The following PDE10A variants were observed in gnomAD, a reference collection of about 807,000 sequenced individuals.
PDE10A encodes cAMP and cAMP-inhibited cGMP 3',5'-cyclic phosphodiesterase 10A.
A neutral mutation model predicts 97.7 loss-of-function variants in PDE10A; 39 were observed. The ratio of observed to expected loss-of-function variants is 0.40; its 90% CI spans 0.31 to 0.52. The LOEUF (loss-of-function observed/expected upper bound fraction) is 0.52. PDE10A is among the 20% of genes least tolerant of loss of function. The pLI, the probability that PDE10A is intolerant of heterozygous loss-of-function variation, is 0.56. For synonymous variants in PDE10A, 371 were observed against 376.8 expected, an observed-to-expected ratio of 0.98 and a Z score of 0.18; for missense variants, 731 against 1,047.8, an observed-to-expected ratio of 0.70 and a Z score of 4.17.
At chr6:165,463,683 C>T (rs189518852) in intron 3 of PDE10A, among the ~76,000 whole-genome samples, 51 of 151,876 alleles carry the variant, frequency 3.4e-4, no homozygotes, top group African/African-American at 1.1e-3. Flanking sequence ...AAGCCCCCCC[C>T]AAAAATCTGG....
intron 1 of PDE10A, among the ~76,000 whole-genome samples, chr6:165,986,804 T>C (rs1785235836): frequency 6.6e-6 from 1 of 151,908 alleles, no homozygotes; most frequent in Non-Finnish European, 1.5e-5. Context: ...GGGACAGTGT[T>C]TGCAGTGTTT....
chr6:165,980,340 C>T (rs999207678), intron 1 of PDE10A, among the ~76,000 whole-genome samples: 42 of 152,250 alleles, frequency 2.8e-4, no homozygotes, highest in African/African-American at 9.6e-4. Flanking sequence ...TAGGAATTTA[C>T]CAACATATAC....
intron 2 of PDE10A, among the ~76,000 whole-genome samples, chr6:165,498,728 G>T (rs367970611): frequency 6.6e-6 from 1 of 152,084 alleles, no homozygotes; most frequent in African/African-American, 2.4e-5. Context: ...GACTTAAATT[G>T]TCTCATTTTG....
At chr6:165,702,383 G>A (rs1582957031) in intron 1 of PDE10A, among the ~76,000 whole-genome samples, 1 of 152,184 alleles carries the variant, frequency 6.6e-6, no homozygotes, top group Non-Finnish European at 1.5e-5. Context: ...TCACCTGAGC[G>A]AGGCCCTCAC....
intron 1 of PDE10A, among the ~76,000 whole-genome samples, chr6:165,945,966 T>C (rs188123080): frequency 9.8e-4 from 149 of 152,324 alleles, no homozygotes; most frequent in African/African-American, 3.4e-3. Context: ...TTTAAAGATA[T>C]CATTTAGTTG....
chr6:165,849,202 T>C (rs2128474549), intron 1 of PDE10A, among the ~76,000 whole-genome samples: 1 of 149,306 alleles, frequency 6.7e-6, no homozygotes, highest in Non-Finnish European at 1.5e-5. Context: ...ACTGTTGTAA[T>C]GACACAGGAT....
intron 1 of PDE10A, among the ~76,000 whole-genome samples, chr6:165,694,967 C>G (rs992868392): frequency 6.6e-6 from 1 of 152,212 alleles, no homozygotes; most frequent in African/African-American, 2.4e-5. Context: ...TCTCCCGCCC[C>G]AGGAATAAGT....
chr6:165,807,042 C>A (rs1779160922), intron 1 of PDE10A, among the ~76,000 whole-genome samples: 1 of 152,182 alleles, frequency 6.6e-6, no homozygotes, highest in South Asian at 2.1e-4. Flanking sequence ...ATCTTCATCA[C>A]ATGGAGTTCT....
chr6:165,810,326 C>T (rs1272772650), intron 1 of PDE10A, among the ~76,000 whole-genome samples: 1 of 152,136 alleles, frequency 6.6e-6, no homozygotes, highest in Non-Finnish European at 1.5e-5. Flanking sequence ...GGTGTGGTAA[C>T]TTTCTGAGTA....
intron 1 of PDE10A, among the ~76,000 whole-genome samples, chr6:165,817,910 C>A (rs904652310): frequency 2.0e-5 from 3 of 152,204 alleles, no homozygotes; most frequent in African/African-American, 4.8e-5. Flanking sequence ...AAGGGCAGAG[C>A]AAGCCTATCT....
At chr6:165,875,731 G>GTTTTTTTTTTTT (rs748111095) in intron 1 of PDE10A, among the ~76,000 whole-genome samples, 9 of 46,932 alleles carry the variant, frequency 1.9e-4, no homozygotes, top group African/African-American at 7.0e-4. Context: ...TTCTTTTACT[G>GTTTTTTTTTTTT]TTTTTTTTTT....
chr6:165,584,314 T>A (rs934349116), intron 1 of PDE10A, among the ~76,000 whole-genome samples: 17 of 152,152 alleles, frequency 1.1e-4, no homozygotes, highest in Non-Finnish European at 2.2e-4. Flanking sequence ...TCCTTCCTTG[T>A]CCAGGCACCT....
chr6:165,872,764 G>A (rs1781238593), intron 1 of PDE10A, among the ~76,000 whole-genome samples: 2 of 152,184 alleles, frequency 1.3e-5, no homozygotes, highest in African/African-American at 2.4e-5. Flanking sequence ...AATACTCAAA[G>A]CAGCCCTTTG....
At chr6:165,442,560 C>T (rs1790549816) in intron 5 of PDE10A, among the ~76,000 whole-genome samples, 1 of 152,102 alleles carries the variant, frequency 6.6e-6, no homozygotes, top group Non-Finnish European at 1.5e-5. Flanking sequence ...TTTTACCTAC[C>T]ATCAGACCTC....
intron 1 of PDE10A, among the ~76,000 whole-genome samples, chr6:165,817,036 C>G (rs916694270): frequency 6.6e-6 from 1 of 152,066 alleles, no homozygotes; most frequent in Non-Finnish European, 1.5e-5. Context: ...AAAGGATGTC[C>G]AAAAACCTAG....
intron 1 of PDE10A, among the ~76,000 whole-genome samples, chr6:165,569,907 A>T (rs1015192586): frequency 7.9e-5 from 12 of 152,236 alleles, no homozygotes. Context: ...AAAATTAAGC[A>T]GGAAAAACTT....
intron 1 of PDE10A, chr6:165,545,128 G>T (rs1055405568): frequency 1.8e-5 from 9 of 493,330 alleles, no homozygotes; most frequent in South Asian, 1.4e-4. Flanking sequence ...ATTCAATATT[G>T]ATTCCTTCTT....
At chr6:165,698,941 A>G (rs1469180995) in intron 1 of PDE10A, among the ~76,000 whole-genome samples, 1 of 152,216 alleles carries the variant, frequency 6.6e-6, no homozygotes, top group Non-Finnish European at 1.5e-5. Flanking sequence ...GATAAAAGAG[A>G]CATGAGATAT....
chr6:165,523,587 C>A (rs1488442386), intron 2 of PDE10A, among the ~76,000 whole-genome samples: 1 of 152,034 alleles, frequency 6.6e-6, no homozygotes, highest in Admixed American at 6.6e-5. Flanking sequence ...AGAACCTAGA[C>A]CCCAACCTAT....
Sources: allele counts gnomAD v4.1 joint callset (sites outside exome capture counted in the v4.1 genomes callset), GRCh38; gene constraint gnomAD v4.1.1; transcripts MANE v1.5; gene names NCBI Gene and HGNC (gene_info 2026-07-23, HGNC 2026-07-21).